The following ADK variants were observed in gnomAD, a reference collection of about 807,000 sequenced individuals.
ADK encodes N6,N6-dimethyladenosine kinase.
Under a neutral mutation model 44.7 loss-of-function variants are expected in ADK, and 24 were observed. That is an observed-to-expected ratio of 0.54 (90% CI 0.39 to 0.76). ADK has a LOEUF of 0.76. Ranked by LOEUF, ADK falls within the 30% of genes least tolerant of loss-of-function variation. The pLI is 0.00. For synonymous variants in ADK, 128 were observed against 142.6 expected (o/e 0.90, Z 0.73); for missense variants, 321 against 425.1 (o/e 0.76, Z 2.15).
chr10:74,230,032 C>G (rs1163138864), intron 3 of ADK, among the ~76,000 whole-genome samples: 1 of 148,362 alleles, frequency 6.7e-6, no homozygotes, highest in East Asian at 2.0e-4. Flanking sequence ...AGAATGAGAC[C>G]CTGTTAAAAG....
chr10:74,162,875 T>C (rs1417825126), intron 1 of ADK, among the ~76,000 whole-genome samples: 1 of 152,066 alleles, frequency 6.6e-6, no homozygotes, highest in Non-Finnish European at 1.5e-5. Flanking sequence ...CTGGTGACCA[T>C]AGTGAGCTCG....
intron 6 of ADK, among the ~76,000 whole-genome samples, chr10:74,463,590 G>A (rs1425227638): frequency 1.3e-5 from 2 of 152,158 alleles, no homozygotes; most frequent in Admixed American, 6.5e-5. Flanking sequence ...TGCACATCTG[G>A]CACTCACCTC....
At chr10:74,176,095 C>A (rs1842328127) in intron 1 of ADK, among the ~76,000 whole-genome samples, 1 of 152,116 alleles carries the variant, frequency 6.6e-6, no homozygotes, top group South Asian at 2.1e-4. Context: ...ACCTGATTCA[C>A]CTGGTAACTT....
chr10:74,394,066 C>T (rs1228886020), intron 4 of ADK, 75 bp from the exon 5 acceptor site: 9 of 1,413,378 alleles, frequency 6.4e-6, no homozygotes, highest in Non-Finnish European at 9.0e-6. Flanking sequence ...TGTCACATCA[C>T]TATCTGTGGC....
chr10:74,654,044 C>G (rs895551111), intron 9 of ADK, among the ~76,000 whole-genome samples: 1 of 152,082 alleles, frequency 6.6e-6, no homozygotes, highest in African/African-American at 2.4e-5. Context: ...GCAGTTTTTT[C>G]TTTTGTAAAC....
At chr10:74,517,829 C>T (rs546998238) in intron 6 of ADK, among the ~76,000 whole-genome samples, 1 of 152,180 alleles carries the variant, frequency 6.6e-6, no homozygotes, top group East Asian at 1.9e-4. Context: ...GGTAACATAA[C>T]CTTTATGGCA....
chr10:74,186,223 TTCCCC>T (rs775048402), intron 1 of ADK, among the ~76,000 whole-genome samples: 1,517 of 43,586 alleles, frequency 0.035, 13 homozygotes, highest in East Asian at 0.051. Flanking sequence ...TTCCTTTCCC[TTCCCC>T]TCCTTTCCCT....
intron 6 of ADK, among the ~76,000 whole-genome samples, chr10:74,439,066 G>C (rs908296639): frequency 1.3e-5 from 2 of 152,168 alleles, no homozygotes; most frequent in Non-Finnish European, 1.5e-5. Context: ...ATATGTAAAA[G>C]AGTAAGCAAT....
At chr10:74,702,574 C>CCTTCCTTCCTTCCTTCCTTCCTG (rs1856471404) in intron 10 of ADK, among the ~76,000 whole-genome samples, 2 of 41,586 alleles carry the variant, frequency 4.8e-5, no homozygotes, top group Non-Finnish European at 5.5e-5. Flanking sequence ...CTTCCTTCCT[C>CCTTCCTTCCTTCCTTCCTTCCTG]TCTCTCTCTC....
At chr10:74,600,206 A>G (rs934581401) in intron 8 of ADK, among the ~76,000 whole-genome samples, 173 bp from the exon 9 acceptor site, 4 of 136,238 alleles carry the variant, frequency 2.9e-5, no homozygotes, top group Non-Finnish European at 5.0e-5. Flanking sequence ...GTTCCTTGGA[A>G]GTCACTGTGC....
intron 6 of ADK, among the ~76,000 whole-genome samples, chr10:74,508,990 T>A (rs1477101610): frequency 2.0e-5 from 3 of 152,180 alleles, no homozygotes; most frequent in Non-Finnish European, 4.4e-5. Flanking sequence ...GCTATTAATA[T>A]GTTACCAAGA....
At chr10:74,542,200 C>G (rs896236277) in intron 7 of ADK, among the ~76,000 whole-genome samples, 2 of 152,190 alleles carry the variant, frequency 1.3e-5, no homozygotes, top group Admixed American at 6.5e-5. Context: ...AGCAAATGCT[C>G]CCTCAAACAC....
At chr10:74,652,959 A>G (rs1045604217) in intron 9 of ADK, among the ~76,000 whole-genome samples, 14 of 152,172 alleles carry the variant, frequency 9.2e-5, no homozygotes, top group Admixed American at 9.2e-4. Flanking sequence ...ATGTACGATC[A>G]ATTCATAAGC....
At chr10:74,581,746 C>T (rs1167071650) in intron 7 of ADK, among the ~76,000 whole-genome samples, 2 of 152,116 alleles carry the variant, frequency 1.3e-5, no homozygotes, top group East Asian at 3.9e-4. Flanking sequence ...GCAGCAGTCT[C>T]CTCAACAGAA....
At chr10:74,504,489 G>A (rs1847978681) in intron 6 of ADK, among the ~76,000 whole-genome samples, 1 of 152,110 alleles carries the variant, frequency 6.6e-6, no homozygotes, top group Non-Finnish European at 1.5e-5. Flanking sequence ...AGCCTTACCT[G>A]TAACATTAAT....
At chr10:74,387,126 G>T (rs974712899) in intron 4 of ADK, among the ~76,000 whole-genome samples, 1 of 152,030 alleles carries the variant, frequency 6.6e-6, no homozygotes, top group Non-Finnish European at 1.5e-5. Flanking sequence ...TAGTAGAGAC[G>T]GTGTTTCACC....
intron 4 of ADK, among the ~76,000 whole-genome samples, chr10:74,365,667 A>G (rs1842475406): frequency 6.6e-6 from 1 of 152,030 alleles, no homozygotes; most frequent in African/African-American, 2.4e-5. Flanking sequence ...GATGCCCTTT[A>G]TTTCTTTGTC....
intron 1 of ADK, among the ~76,000 whole-genome samples, chr10:74,159,651 G>A (rs1311860010): frequency 6.6e-6 from 1 of 151,708 alleles, no homozygotes; most frequent in Non-Finnish European, 1.5e-5. Flanking sequence ...GGAGTGCGGT[G>A]GCACGATCTC....
intron 9 of ADK, among the ~76,000 whole-genome samples, chr10:74,659,905 C>T (rs1222274461): frequency 2.0e-5 from 3 of 152,114 alleles, no homozygotes; most frequent in Non-Finnish European, 4.4e-5. Flanking sequence ...TGGCAACACC[C>T]TCACAGACAC....
Sources: allele counts gnomAD v4.1 joint callset (sites outside exome capture counted in the v4.1 genomes callset), GRCh38; gene constraint gnomAD v4.1.1; transcripts MANE v1.5; gene names NCBI Gene and HGNC (gene_info 2026-07-23, HGNC 2026-07-21).